ARHGAP20: variants seen among roughly 807,000 people sequenced by gnomAD.
ARHGAP20 encodes the protein Rho GTPase activating protein 20.
In ARHGAP20, 34 loss-of-function variants were observed where a neutral mutation model predicts 73.7. That is an observed-to-expected ratio of 0.46 (90% CI 0.35 to 0.61). The LOEUF (loss-of-function observed/expected upper bound fraction) is 0.61. Among genes scored for constraint, ARHGAP20 ranks in the 20% least tolerant of loss-of-function variants. The pLI is 0.00. For missense variants in ARHGAP20, 1,314 were observed against 1,420.9 expected (o/e 0.92, Z 1.21); for synonymous variants, 523 against 518.2 (o/e 1.01, Z -0.13).
At chr11:110,652,032 T>C (rs1005810882) in intron 2 of ARHGAP20, among the ~76,000 whole-genome samples, 2 of 152,130 alleles carry the variant, frequency 1.3e-5, no homozygotes, top group Admixed American at 1.3e-4. Flanking sequence ...TCAAAAAGCT[T>C]ATCCACCACA....
intron 2 of ARHGAP20, among the ~76,000 whole-genome samples, chr11:110,661,684 A>C (rs1327719533): frequency 6.6e-6 from 1 of 152,106 alleles, no homozygotes; most frequent in African/African-American, 2.4e-5. Flanking sequence ...TATACTTTAA[A>C]ATGTTTTACT....
intron 2 of ARHGAP20, among the ~76,000 whole-genome samples, chr11:110,634,719 T>A (rs375344356): frequency 9.2e-5 from 14 of 152,136 alleles, no homozygotes; most frequent in Admixed American, 7.9e-4. Flanking sequence ...ATAATTTATA[T>A]ATGGGACTAA....
At position 110,578,031 on chromosome 11, in the gene ARHGAP20, T is replaced by C; in HGVS notation, c.*1339A>G. On this transcript the variant is annotated 3_prime_UTR_variant, in exon 15 of 15. Coordinates refer to ENST00000683387, the MANE Select transcript of ARHGAP20 (RefSeq NM_001384657.1). ...CAACTTCTTATAGGTTAGTAGTTAA[T>C]GTGAAAGAAGATGCACATCCATTTT... 1.0e-6 allele frequency: 1 copy of C among 985,424 alleles called. No homozygotes were observed. The highest frequency in any genetic ancestry group is 1.2e-6 in the Non-Finnish European group (1 of 829,930). 61.0% of individuals were successfully genotyped at this position (985,424 alleles called of 1,614,324 possible). A position where few individuals can be genotyped will look rare whatever the true frequency, so the allele number is the denominator to read the frequency against.
intron 12 of ARHGAP20, among the ~76,000 whole-genome samples, chr11:110,585,088 T>C (rs1014451191): frequency 6.7e-6 from 1 of 150,350 alleles, no homozygotes; most frequent in Non-Finnish European, 1.5e-5. Flanking sequence ...TACATGAATA[T>C]ATGTGAATAT....
chr11:110,614,221 G>T (rs1461184933), intron 6 of ARHGAP20, among the ~76,000 whole-genome samples: 1 of 152,184 alleles, frequency 6.6e-6, no homozygotes, highest in East Asian at 1.9e-4. Context: ...TTTACTACAA[G>T]CCTCTGCAGC....
chr11:110,696,433 C>T (rs537677051), intron 1 of ARHGAP20, among the ~76,000 whole-genome samples: 1 of 151,622 alleles, frequency 6.6e-6, no homozygotes, highest in East Asian at 1.9e-4. Context: ...TTATCACAAT[C>T]ATCTGAAATA....
At chr11:110,604,289 C>G (rs1353914227) in intron 9 of ARHGAP20, among the ~76,000 whole-genome samples, 1 of 152,168 alleles carries the variant, frequency 6.6e-6, no homozygotes. Flanking sequence ...CTGATGCTCT[C>G]AGCTGGCCCT....
chr11:110,625,258 C>T (rs1324722843), intron 3 of ARHGAP20, among the ~76,000 whole-genome samples: 5 of 151,376 alleles, frequency 3.3e-5, no homozygotes, highest in Non-Finnish European at 5.9e-5. Flanking sequence ...AGGATGGTCT[C>T]GATCTCTTGA....
chr11:110,680,523 G>A (rs1950017984), intron 2 of ARHGAP20, among the ~76,000 whole-genome samples: 1 of 152,128 alleles, frequency 6.6e-6, no homozygotes, highest in Non-Finnish European at 1.5e-5. Flanking sequence ...GAACAGGGGT[G>A]AGGAAGGGCA....
chr11:110,682,270 T>C (rs1351433813), intron 2 of ARHGAP20, among the ~76,000 whole-genome samples: 1 of 152,204 alleles, frequency 6.6e-6, no homozygotes, highest in Admixed American at 6.5e-5. Context: ...CAATAATAAA[T>C]AGCTTACATA....
Position 110,610,431 on chromosome 11 carries a change from G to T in ARHGAP20, c.708+878C>A, listed in dbSNP as rs573081741. On this transcript the variant is annotated intron_variant, in intron 7 of 14. Transcript: ENST00000683387. ...ATAGTATTCTACAATATTATTAATT[G>T]TATTTAGCTTTGCTTATATACAGTG... Among the ~76,000 whole-genome samples, 592 of 152,226 alleles carry T rather than the reference G, an allele frequency of 3.9e-3. 8 individuals are homozygous for T. The highest frequency in any genetic ancestry group is 0.013 in the African/African-American group (522 of 41,554).
chr11:110,611,178 T>A, intron 7 of ARHGAP20, 131 bp downstream of exon 7: 1 of 533,276 alleles, frequency 1.9e-6, no homozygotes, highest in Middle Eastern at 4.5e-4. Flanking sequence ...TCATTTTCTA[T>A]ATTTTGGGGA....
intron 1 of ARHGAP20, among the ~76,000 whole-genome samples, chr11:110,697,047 T>C (rs1950349655): frequency 6.6e-6 from 1 of 151,660 alleles, no homozygotes; most frequent in Non-Finnish European, 1.5e-5. Context: ...AATGCAGGTG[T>C]CTTTTTCTGT....
chr11:110,694,851 G>A (rs1950306785), intron 1 of ARHGAP20, among the ~76,000 whole-genome samples: 1 of 151,446 alleles, frequency 6.6e-6, no homozygotes, highest in South Asian at 2.1e-4. Context: ...AGGGTTTTAT[G>A]TGAATTAAAA....
At chr11:110,643,400 T>C (rs1949117034) in intron 2 of ARHGAP20, among the ~76,000 whole-genome samples, 1 of 152,212 alleles carries the variant, frequency 6.6e-6, no homozygotes, top group Non-Finnish European at 1.5e-5. Flanking sequence ...TGTGGGTGTT[T>C]AGTACGACAA....
chr11:110,703,453 CTA>C (rs140355518), intron 1 of ARHGAP20, among the ~76,000 whole-genome samples: 1 of 150,382 alleles, frequency 6.6e-6, no homozygotes, highest in Admixed American at 6.6e-5. Flanking sequence ...GCCCTACTCA[CTA>C]TATATATATA....
At position 110,578,815 on chromosome 11, in the gene ARHGAP20, G is replaced by A. The variant is rs1304400920; in HGVS notation, c.*555C>T. 4 of 985,714 alleles carry A rather than the reference G, an allele frequency of 4.1e-6. No individual in the cohort carries two copies. Among genetic ancestry groups the A allele is most frequent in the Non-Finnish European group, 4.8e-6 (4 of 830,030 alleles). The allele number at this position is 985,714 out of a possible 1,614,324, so 61.1% of individuals were successfully genotyped here. A position where few individuals can be genotyped will look rare whatever the true frequency, so the allele number is the denominator to read the frequency against. ...GCTGGTTCTTGGAATGATTCTGTAA[G>A]GACACGTGATTAGTAAGATCCCACA... On this transcript the variant is annotated 3_prime_UTR_variant, in exon 15 of 15. Coordinates refer to ENST00000683387, the MANE Select transcript of ARHGAP20 (RefSeq NM_001384657.1).
At chr11:110,613,561 G>A (rs1948416540) in intron 6 of ARHGAP20, among the ~76,000 whole-genome samples, 1 of 152,050 alleles carries the variant, frequency 6.6e-6, no homozygotes, top group Admixed American at 6.6e-5. Flanking sequence ...ATACCGAAAA[G>A]AAAGTGTCAA....
intron 3 of ARHGAP20, among the ~76,000 whole-genome samples, chr11:110,626,053 C>T (rs1438103601): frequency 6.6e-6 from 1 of 152,104 alleles, no homozygotes; most frequent in African/African-American, 2.4e-5. Flanking sequence ...GGCATAATGG[C>T]TTCTTTCTAT....
Sources: gnomAD v4.1 joint callset for allele counts (sites outside exome capture counted in the v4.1 genomes callset) on GRCh38, gnomAD v4.1.1 for gene constraint, MANE v1.5 for transcripts, NCBI Gene and HGNC (gene_info 2026-07-23, HGNC 2026-07-21) for gene names.